The following RPS6KA5 variants were observed in gnomAD, a reference collection of about 807,000 sequenced individuals.
The protein encoded by RPS6KA5 is ribosomal protein S6 kinase alpha-5.
A neutral mutation model predicts 85.5 loss-of-function variants in RPS6KA5; 27 were observed. That is an observed-to-expected ratio of 0.32 (90% confidence interval 0.23 to 0.44). The LOEUF (loss-of-function observed/expected upper bound fraction) is 0.44, where lower values mean the gene tolerates loss of function less well. Ranked by LOEUF, RPS6KA5 falls within the 20% of genes least tolerant of loss-of-function variation. RPS6KA5 has a pLI of 1.00. For synonymous variants in RPS6KA5, 334 were observed against 348.2 expected (o/e 0.96, Z 0.46); for missense variants, 811 against 980.9 (o/e 0.83, Z 2.31).
chr14:91,049,274 A>C (rs2042977899), intron 1 of RPS6KA5, among the ~76,000 whole-genome samples: 1 of 152,216 alleles, frequency 6.6e-6, no homozygotes, highest in South Asian at 2.1e-4. Context: ...CAAAAGATAG[A>C]GCACAAGTTC....
At chr14:90,882,817 T>C (rs1239082796) in intron 14 of RPS6KA5, among the ~76,000 whole-genome samples, 6 of 152,020 alleles carry the variant, frequency 3.9e-5, no homozygotes, top group Non-Finnish European at 8.8e-5. Context: ...AGATTCTATT[T>C]TTTTTTTTGA....
intron 6 of RPS6KA5, among the ~76,000 whole-genome samples, chr14:90,922,181 A>T (rs1049647567): frequency 6.6e-6 from 1 of 152,212 alleles, no homozygotes; most frequent in Non-Finnish European, 1.5e-5. Flanking sequence ...TAAAGGCAGA[A>T]ACTGGGAATA....
intron 11 of RPS6KA5, 24 bp downstream of exon 11, chr14:90,900,084 A>T: frequency 6.4e-7 from 1 of 1,551,172 alleles, no homozygotes; most frequent in Non-Finnish European, 8.7e-7. Context: ...CTAAGAAAGA[A>T]TATTATATTA....
At chr14:91,029,743 G>A (rs747590818) in intron 1 of RPS6KA5, among the ~76,000 whole-genome samples, 7 of 152,144 alleles carry the variant, frequency 4.6e-5, no homozygotes, top group Non-Finnish European at 1.0e-4. Context: ...ACCAGACATT[G>A]TAAGGATTAA....
At chr14:90,967,864 C>T (rs2039144906) in intron 3 of RPS6KA5, among the ~76,000 whole-genome samples, 1 of 152,072 alleles carries the variant, frequency 6.6e-6, no homozygotes, top group Non-Finnish European at 1.5e-5. Context: ...AACACACTAC[C>T]ATCCTCCCTA....
rs941879472 is a variant in RPS6KA5, at chr14:90,868,006, C to G, written c.*4068G>C. ...ATAGAAGGTGAGGACAGAAGTGAGG[C>G]TAATCAAATGTTCTTAGCAAGATGT... On this transcript the variant is annotated 3_prime_UTR_variant, in exon 17 of 17. Transcript: ENST00000614987. 2.0e-5 allele frequency: 3 copies of G among 152,116 alleles called. No homozygotes were observed. Among genetic ancestry groups the G allele is most frequent in the Non-Finnish European group, 4.4e-5 (3 of 68,018 alleles). The allele number at this position is 152,116 out of a possible 1,614,324, so 9.4% of individuals were successfully genotyped here.
chr14:90,987,909 C>A (rs1402650561), intron 2 of RPS6KA5, among the ~76,000 whole-genome samples: 1 of 152,112 alleles, frequency 6.6e-6, no homozygotes, highest in African/African-American at 2.4e-5. Context: ...ACATGAAGAC[C>A]AGCTCCATAC....
chr14:90,968,305 T>C (rs1041287185), intron 3 of RPS6KA5, among the ~76,000 whole-genome samples: 5 of 152,020 alleles, frequency 3.3e-5, no homozygotes, highest in African/African-American at 7.2e-5. Flanking sequence ...CCTCCCTCCC[T>C]CCCTCTTCCT....
At chr14:91,015,534 T>C (rs1409441079) in intron 1 of RPS6KA5, among the ~76,000 whole-genome samples, 1 of 152,242 alleles carries the variant, frequency 6.6e-6, no homozygotes, top group East Asian at 1.9e-4. Flanking sequence ...TTCAATTTGA[T>C]GTAAGAAAAT....
At chr14:91,028,400 A>G (rs2042064181) in intron 1 of RPS6KA5, among the ~76,000 whole-genome samples, 1 of 152,096 alleles carries the variant, frequency 6.6e-6, no homozygotes, top group South Asian at 2.1e-4. Context: ...TATTATTTGT[A>G]GAGGCAAGGT....
intron 1 of RPS6KA5, among the ~76,000 whole-genome samples, chr14:91,017,301 C>G (rs1472873410): frequency 3.9e-5 from 6 of 152,346 alleles, no homozygotes; most frequent in Admixed American, 1.3e-4. Context: ...GACACTTACT[C>G]TGGATACAGA....
intron 2 of RPS6KA5, among the ~76,000 whole-genome samples, chr14:91,000,637 T>C (rs982612400): frequency 6.6e-6 from 1 of 152,014 alleles, no homozygotes; most frequent in Non-Finnish European, 1.5e-5. Context: ...ACCCCGTCTC[T>C]ACTAAAAATA....
At chr14:90,948,582 C>T (rs1242244142) in intron 3 of RPS6KA5, among the ~76,000 whole-genome samples, 4 of 152,036 alleles carry the variant, frequency 2.6e-5, no homozygotes, top group Non-Finnish European at 5.9e-5. Context: ...GTAGTCCCAG[C>T]TACTTGAGAG....
intron 3 of RPS6KA5, among the ~76,000 whole-genome samples, chr14:90,955,517 A>T (rs1381193301): frequency 1.3e-5 from 2 of 152,132 alleles, no homozygotes; most frequent in Non-Finnish European, 2.9e-5. Context: ...GACATATTGG[A>T]TATTTAGGAG....
chr14:90,989,911 CG>C (rs558401056), intron 2 of RPS6KA5, among the ~76,000 whole-genome samples: 131 of 152,114 alleles, frequency 8.6e-4, no homozygotes, highest in African/African-American at 3.1e-3. Flanking sequence ...CAGGGATGAT[CG>C]TAAGAGCTTA....
rs1416021973 is a variant in RPS6KA5 at position 91,060,345 on chromosome 14, G to C, written c.90C>G (p.His30Gln). Reference protein sequence around the residue: ...DGGEQLLTVKHELRTANLTGH... With the variant: ...DGGEQLLTVKQELRTANLTGH... ...GGGGTCGCTCACCAGTCCGCAGCTC[G>C]TGCTTGACAGTGAGGAGCTGCTCTC... is the stretch of plus-strand genomic sequence containing the variant. Residue 30 changes from histidine to glutamine, a missense_variant, in exon 1 of 17, where the codon CAC becomes CAG. By Grantham distance (24) the His-to-Gln change is conservative. Around this residue, in one of 3 missense-constraint regions of RPS6KA5, gnomAD observed 113 missense variants for 100.0 expected, o/e 1.13. Transcript: ENST00000614987. 3 of 1,445,232 alleles carry C rather than the reference G, an allele frequency of 2.1e-6. No homozygotes were observed. Among genetic ancestry groups the C allele is most frequent in the African/African-American group, 1.5e-5 (1 of 68,504 alleles). The allele number at this position is 1,445,232 out of a possible 1,614,324, so 89.5% of individuals were successfully genotyped here. A position where few individuals can be genotyped will look rare whatever the true frequency, so the allele number is the denominator to read the frequency against.
intron 2 of RPS6KA5, among the ~76,000 whole-genome samples, chr14:90,997,502 C>A (rs2040581204): frequency 6.6e-6 from 1 of 152,068 alleles, no homozygotes; most frequent in Admixed American, 6.6e-5. Context: ...CCTCAGCCTC[C>A]CAAGTAGCTA....
At chr14:91,009,742 G>C (rs1566859260) in intron 1 of RPS6KA5, among the ~76,000 whole-genome samples, 1 of 152,178 alleles carries the variant, frequency 6.6e-6, no homozygotes, top group Non-Finnish European at 1.5e-5. Context: ...GGCAGCTCTA[G>C]ACAAGGAACT....
At chr14:91,030,882 TA>T (rs530872393) in intron 1 of RPS6KA5, among the ~76,000 whole-genome samples, 124 of 151,704 alleles carry the variant, frequency 8.2e-4, no homozygotes, top group African/African-American at 2.9e-3. Context: ...TGCAAGGAGA[TA>T]AACAACAGGA....
Sources: allele counts gnomAD v4.1 joint callset (sites outside exome capture counted in the v4.1 genomes callset), GRCh38; gene constraint gnomAD v4.1.1; regional missense constraint gnomAD v4.1.1; transcripts MANE v1.5; gene names NCBI Gene and HGNC (gene_info 2026-07-23, HGNC 2026-07-21).